The following BRCA2 variants were observed in gnomAD, a reference collection of about 807,000 sequenced individuals.
BRCA2 encodes BRCA2 DNA repair associated.
In BRCA2, 203 loss-of-function variants were observed where a neutral mutation model predicts 276.7. That is an observed-to-expected ratio of 0.73 (90% CI 0.65 to 0.82). The LOEUF (loss-of-function observed/expected upper bound fraction) is 0.82, where lower values mean the gene tolerates loss of function less well. BRCA2 is among the 40% of genes least tolerant of loss of function. The pLI, the probability that BRCA2 is intolerant of heterozygous loss-of-function variation, is 0.00. For missense variants in BRCA2, 3,920 were observed against 3,915.0 expected (o/e 1.00, Z -0.03); for synonymous variants, 1,289 against 1,338.4 (o/e 0.96, Z 0.81).
At chr13:32,362,716 C>A (rs183623188) in intron 17 of BRCA2, 23 bp downstream of exon 17, 3 of 1,612,542 alleles carry the variant, frequency 1.9e-6, no homozygotes. Context: ...CATTACATTA[C>A]GTAATCATAT....
chr13:32,387,472 G>A (rs2072968217), intron 24 of BRCA2, among the ~76,000 whole-genome samples: 1 of 152,180 alleles, frequency 6.6e-6, no homozygotes, highest in East Asian at 1.9e-4. Flanking sequence ...TGGTCAAGCG[G>A]TAACGGCAGT....
At position 32,389,726 on chromosome 13, in the gene BRCA2, C is replaced by T. The variant is rs532403397; in HGVS notation, c.9257-4963C>T. On this transcript the variant is annotated intron_variant, in intron 24 of 26. Transcript: ENST00000380152. ...ACATAACCCCATCATAAGTTGTCCT[C>T]GACTGTGTTTCCAGATAAGGCTGCA... Among the ~76,000 whole-genome samples, 148 of 152,256 alleles carry T rather than the reference C, an allele frequency of 9.7e-4. 2 individuals are homozygous for T. The highest frequency in any genetic ancestry group is 3.4e-3 in the Middle Eastern group (1 of 294).
intron 25 of BRCA2, chr13:32,396,130 C>T (rs189334428): frequency 2.2e-4 from 38 of 175,146 alleles, no homozygotes; most frequent in Admixed American, 5.4e-4. Flanking sequence ...CGTGCCACCA[C>T]GCCCAGCTAA....
Position 32,398,503 on chromosome 13 carries a change from A to C in BRCA2, c.9990A>C (p.Glu3330Asp), listed in dbSNP as rs1057520433. The change falls in exon 27 of 27, where the codon GAA becomes GAC. Residue 3330 changes from glutamate to aspartate, a missense_variant. By Grantham distance (45) the Glu-to-Asp change is conservative. Transcript: ENST00000380152. ...TGACTCCATTTAAAAAATTCAATGA[A>C]ATTTCTCTTTTGGAAAGTAATTCAA... ...PQMTPFKKFN[E>D]ISLLESNSIA... 1 of 1,614,140 alleles carries C rather than the reference A, an allele frequency of 6.2e-7. No individual in the cohort carries two copies. The highest frequency in any genetic ancestry group is 8.5e-7 in the Non-Finnish European group (1 of 1,180,022).
intron 17 of BRCA2, 126 bp downstream of exon 17, chr13:32,362,819 T>G (rs1323067606): frequency 5.0e-5 from 51 of 1,014,132 alleles, no homozygotes; most frequent in Non-Finnish European, 1.5e-6. Flanking sequence ...CATCCCACAC[T>G]GCTGTTCTCC....
At chr13:32,385,514 C>A in intron 24 of BRCA2, 1 of 225,324 alleles carries the variant, frequency 4.4e-6, no homozygotes, top group Non-Finnish European at 9.7e-6. Context: ...TTGCAGGCAA[C>A]TCCCACTTCT....
intron 21 of BRCA2, among the ~76,000 whole-genome samples, chr13:32,378,422 CT>C (rs2072888289): frequency 6.6e-6 from 1 of 152,254 alleles, no homozygotes; most frequent in Admixed American, 6.5e-5. Flanking sequence ...TAAAACAGTC[CT>C]GTTAGAATTT....
chr13:32,315,706 T>C (rs1374682526), intron 1 of BRCA2, 39 bp downstream of exon 1: 1 of 152,946 alleles, frequency 6.5e-6, no homozygotes, highest in East Asian at 1.9e-4. Context: ...GAGCGCGTCT[T>C]CCGCAGTCCC....
intron 11 of BRCA2, among the ~76,000 whole-genome samples, chr13:32,341,663 G>A (rs912261918): frequency 6.6e-6 from 1 of 151,958 alleles, no homozygotes; most frequent in African/African-American, 2.4e-5. Flanking sequence ...TCAGGAGATC[G>A]AGACCATCCC....
At chr13:32,373,370 G>T (rs1254272851) in intron 20 of BRCA2, among the ~76,000 whole-genome samples, 1 of 151,746 alleles carries the variant, frequency 6.6e-6, no homozygotes, top group East Asian at 2.0e-4. Flanking sequence ...GCTGGGCGTG[G>T]TGGCACGCGT....
At chr13:32,370,344 GT>G in intron 18 of BRCA2, 57 bp from the exon 19 acceptor site, 1 of 1,497,968 alleles carries the variant, frequency 6.7e-7, no homozygotes, top group Non-Finnish European at 9.3e-7. Flanking sequence ...TATGATATCT[GT>G]AATAGAATTG....
rs2072755002 is a variant in BRCA2 at position 32,363,260 on chromosome 13, T to C, written c.8058T>C (p.Leu2686=). 6.2e-7 allele frequency: 1 copy of C among 1,614,148 alleles called. No homozygotes were observed. Among genetic ancestry groups the C allele is most frequent in the Non-Finnish European group, 8.5e-7 (1 of 1,180,014 alleles). ...GGGATGACACAGCTGCAAAAACACT[T>C]GTTCTCTGTGTTTCTGACATAATTT... ...MERDDTAAKT[L]VLCVSDIISL... is the part of the protein sequence containing the mutation. Residue 2686 remains leucine, a synonymous_variant, in exon 18 of 27, where the codon CTT becomes CTC. Transcript: ENST00000380152.
chr13:32,396,636 C>T (rs957915516), intron 25 of BRCA2, among the ~76,000 whole-genome samples: 1 of 152,198 alleles, frequency 6.6e-6, no homozygotes, highest in South Asian at 2.1e-4. Context: ...GCTGATTAAA[C>T]TAGATGACAG....
chr13:32,369,497 G>T (rs1032584488), intron 18 of BRCA2, among the ~76,000 whole-genome samples: 5 of 152,304 alleles, frequency 3.3e-5, no homozygotes, highest in Admixed American at 6.5e-5. Context: ...TGGGCAAGTT[G>T]TGTAGTTTCT....
chr13:32,359,863 T>G (rs966818454), intron 16 of BRCA2, among the ~76,000 whole-genome samples: 1 of 152,222 alleles, frequency 6.6e-6, no homozygotes, highest in African/African-American at 2.4e-5. Context: ...GCACTTGCTA[T>G]GTGCCAGGTA....
chr13:32,385,787 TG>T, intron 24 of BRCA2: 1 of 177,498 alleles, frequency 5.6e-6, no homozygotes, highest in Non-Finnish European at 1.3e-5. Context: ...ATGAAACCAG[TG>T]GTAGAAGAAA....
chr13:32,336,611 C>T lies in BRCA2; in HGVS notation c.2256C>T (p.Asp752=), dbSNP rs766384913. Residue 752 remains aspartate, a synonymous_variant, in exon 11 of 27, where the codon GAC becomes GAT. Transcript: ENST00000380152. ...CAAAAGTGGAATACAGTGATACTGA[C>T]TTTCAATCCCAGAAAAGTCTTTTAT... is the stretch of plus-strand genomic sequence containing the variant. The part of the protein sequence containing the change: ...QHSKVEYSDT[D]FQSQKSLLYD... 3.7e-5 allele frequency: 59 copies of T among 1,613,918 alleles called. No individual in the cohort carries two copies. The highest frequency in any genetic ancestry group is 4.7e-5 in the Non-Finnish European group (56 of 1,179,976).
At chr13:32,323,816 C>T (rs1161333659) in intron 3 of BRCA2, among the ~76,000 whole-genome samples, 1 of 152,126 alleles carries the variant, frequency 6.6e-6, no homozygotes, top group African/African-American at 2.4e-5. Flanking sequence ...TTACCATCAA[C>T]TATTGGAACC....
chr13:32,375,074 C>T (rs2072862102), intron 20 of BRCA2, among the ~76,000 whole-genome samples: 1 of 152,184 alleles, frequency 6.6e-6, no homozygotes, highest in Non-Finnish European at 1.5e-5. Context: ...AGAACTCTCA[C>T]TTTTAAGCCA....
Sources: allele counts gnomAD v4.1 joint callset (sites outside exome capture counted in the v4.1 genomes callset), GRCh38; gene constraint gnomAD v4.1.1; transcripts MANE v1.5; gene names NCBI Gene and HGNC (gene_info 2026-07-23, HGNC 2026-07-21).